TCEA3: variants seen among roughly 807,000 people sequenced by gnomAD.
TCEA3 encodes transcription elongation factor A3.
Under a neutral mutation model 44.0 loss-of-function variants are expected in TCEA3, and 36 were observed. That is an observed-to-expected ratio of 0.82 (90% CI 0.63 to 1.08). TCEA3 has a LOEUF of 1.08. Among genes scored for constraint, TCEA3 ranks in the 50% least tolerant of loss-of-function variants. The pLI is 0.00. For synonymous variants in TCEA3, 162 were observed against 159.7 expected, an observed-to-expected ratio of 1.01 and a Z score of -0.11; for missense variants, 392 against 441.2, an observed-to-expected ratio of 0.89 and a Z score of 1.00.
chr1:23,415,995 T>A (rs1387399550), intron 4 of TCEA3, among the ~76,000 whole-genome samples: 2 of 148,002 alleles, frequency 1.4e-5, no homozygotes, highest in African/African-American at 5.1e-5. Context: ...CTTTTCTACA[T>A]TTTCCTTTTT....
In TCEA3 at chr1:23,424,737, AAC is replaced by A. The variant is rs1640171875; in HGVS notation, c.-106_-105del. The A allele has an allele frequency of 9.9e-6, 8 of 805,378 alleles. 1 individual carries two copies. The highest frequency in any genetic ancestry group is 9.6e-5 in the South Asian group (6 of 62,186). The allele number at this position is 805,378 out of a possible 1,614,324, so 49.9% of individuals were successfully genotyped here. Reference sequence around the variant, plus strand: ...GGGCGCGCAACCCGCGCGGGCCCCAAACACACACGACACACACGCCCGGCGGG... The same window carrying A: ...GGGCGCGCAACCCGCGCGGGCCCCAAACACACGACACACACGCCCGGCGGG... On this transcript the variant is annotated 5_prime_UTR_variant, in exon 1 of 11. Transcript: ENST00000450454.
chr1:23,382,575 C>T (rs933954328), intron 10 of TCEA3, among the ~76,000 whole-genome samples: 3 of 152,320 alleles, frequency 2.0e-5, no homozygotes, highest in South Asian at 4.1e-4. Context: ...CTGTTTGCTC[C>T]GTACCCTGGC....
chr1:23,406,892 G>A (rs1437635298), intron 5 of TCEA3, among the ~76,000 whole-genome samples: 1 of 152,138 alleles, frequency 6.6e-6, no homozygotes, highest in Non-Finnish European at 1.5e-5. Context: ...AAAGTGCTGG[G>A]ATTACCGGCA....
In TCEA3 at chr1:23,424,678, G is replaced by A; in HGVS notation, c.-45C>T. The A allele has an allele frequency of 1.3e-6, 2 of 1,515,690 alleles. No homozygotes were observed. The highest frequency in any genetic ancestry group is 1.8e-6 in the Non-Finnish European group (2 of 1,107,180). The allele number at this position is 1,515,690 out of a possible 1,614,324, so 93.9% of individuals were successfully genotyped here. On this transcript the variant is annotated 5_prime_UTR_variant, in exon 1 of 11. Transcript: ENST00000450454. ...CGGGGCGAGGGGCACAGGGGCAGCA[G>A]TAGGGCCTCGGGGGCAGGAGGCGCG...
chr1:23,391,642 G>A (rs889276856), intron 8 of TCEA3, among the ~76,000 whole-genome samples: 1 of 152,126 alleles, frequency 6.6e-6, no homozygotes, highest in African/African-American at 2.4e-5. Flanking sequence ...TGAGAACTAG[G>A]CCAGGTGTCA....
At chr1:23,387,248 C>T (rs567337309) in intron 9 of TCEA3, 25 bp downstream of exon 9, 31 of 1,611,194 alleles carry the variant, frequency 1.9e-5, no homozygotes, top group South Asian at 1.2e-4. Context: ...CCTGCACCTC[C>T]GGCCCGTCCC....
chr1:23,404,588 A>G (rs1417292406), intron 5 of TCEA3, among the ~76,000 whole-genome samples: 1 of 152,128 alleles, frequency 6.6e-6, no homozygotes, highest in Non-Finnish European at 1.5e-5. Context: ...TTACAGGTCA[A>G]AAATGGGTGA....
At chr1:23,388,585 C>T (rs1638924192) in intron 8 of TCEA3, among the ~76,000 whole-genome samples, 1 of 152,118 alleles carries the variant, frequency 6.6e-6, no homozygotes, top group Admixed American at 6.5e-5. Context: ...AGTGTGCTCA[C>T]CTTTCATTAT....
intron 1 of TCEA3, among the ~76,000 whole-genome samples, chr1:23,421,094 G>A (rs1412625330): frequency 2.0e-5 from 3 of 152,176 alleles, no homozygotes; most frequent in African/African-American, 7.2e-5. Context: ...AGCGTGACCT[G>A]CAGATGTGTG....
chr1:23,417,485 G>T, intron 3 of TCEA3, 95 bp from the exon 4 acceptor site: 1 of 1,487,358 alleles, frequency 6.7e-7, no homozygotes, highest in Non-Finnish European at 8.9e-7. Flanking sequence ...GCAGGGACGA[G>T]GACAGCTGCA....
At chr1:23,411,977 C>T (rs1441748397) in intron 4 of TCEA3, 3 of 152,304 alleles carry the variant, frequency 2.0e-5, no homozygotes, top group Admixed American at 6.5e-5. Context: ...CTTGTAAAAA[C>T]CCCGCTCTGT....
At chr1:23,401,871 T>G (rs1558047409) in intron 5 of TCEA3, among the ~76,000 whole-genome samples, 1 of 151,930 alleles carries the variant, frequency 6.6e-6, no homozygotes, top group African/African-American at 2.4e-5. Flanking sequence ...GGGATCTAGG[T>G]TGCACGCTCC....
chr1:23,410,015 C>T (rs78040962), intron 4 of TCEA3, among the ~76,000 whole-genome samples: 10,542 of 152,106 alleles, frequency 0.069, 450 homozygotes, highest in Non-Finnish European at 0.1. Flanking sequence ...AGAGCTGCCT[C>T]CTGCAAGCTC....
At chr1:23,399,008 T>A (rs539211527) in intron 5 of TCEA3, among the ~76,000 whole-genome samples, 55 of 151,622 alleles carry the variant, frequency 3.6e-4, no homozygotes, top group African/African-American at 1.3e-3. Flanking sequence ...ACTCAAGCAA[T>A]CCATCTGCCT....
intron 8 of TCEA3, among the ~76,000 whole-genome samples, chr1:23,392,368 A>T (rs867333597): frequency 7.2e-6 from 1 of 139,422 alleles, no homozygotes; most frequent in African/African-American, 2.7e-5. Context: ...TCATACACAC[A>T]CACTCCACAC....
chr1:23,424,108 G>A (rs1640145089), intron 1 of TCEA3, among the ~76,000 whole-genome samples: 1 of 151,894 alleles, frequency 6.6e-6, no homozygotes, highest in Admixed American at 6.6e-5. Flanking sequence ...ATGCAGCTCA[G>A]TACCCCCGTC....
intron 2 of TCEA3, among the ~76,000 whole-genome samples, chr1:23,418,513 T>C (rs577323673): frequency 1.3e-5 from 2 of 152,284 alleles, no homozygotes; most frequent in East Asian, 3.9e-4. Context: ...GGTTTCACCA[T>C]GTTGGCCAGG....
intron 8 of TCEA3, among the ~76,000 whole-genome samples, chr1:23,387,752 T>G (rs1036369944): frequency 6.6e-6 from 1 of 152,222 alleles, no homozygotes; most frequent in East Asian, 1.9e-4. Context: ...TGAACCTTCC[T>G]GCTTGAGCTG....
At chr1:23,394,764 C>A (rs1022068924) in intron 7 of TCEA3, among the ~76,000 whole-genome samples, 3 of 152,214 alleles carry the variant, frequency 2.0e-5, no homozygotes, top group African/African-American at 7.2e-5. Flanking sequence ...GGGTGTAGGA[C>A]CTTGCTCAAG....
Sources: allele counts gnomAD v4.1 joint callset (sites outside exome capture counted in the v4.1 genomes callset), GRCh38; gene constraint gnomAD v4.1.1; transcripts MANE v1.5; gene names NCBI Gene and HGNC (gene_info 2026-07-23, HGNC 2026-07-21).